Variants in PTPRM observed in about 807,000 individuals in gnomAD.
The protein encoded by PTPRM is protein tyrosine phosphatase receptor type M.
Under a neutral mutation model 186.7 loss-of-function variants are expected in PTPRM, and 47 were observed. That is an observed-to-expected ratio of 0.25 (90% CI 0.20 to 0.32). The LOEUF (loss-of-function observed/expected upper bound fraction) is 0.32. PTPRM is among the 10% of genes least tolerant of loss of function. PTPRM has a pLI of 1.00. For synonymous variants in PTPRM, 668 were observed against 674.9 expected, an observed-to-expected ratio of 0.99 and a Z score of 0.16; for missense variants, 1,494 against 1,865.0, an observed-to-expected ratio of 0.80 and a Z score of 3.66.
chr18:8,076,749 T>C (rs1237581849), intron 9 of PTPRM, among the ~76,000 whole-genome samples, 185 bp downstream of exon 9: 1 of 152,110 alleles, frequency 6.6e-6, no homozygotes, highest in Non-Finnish European at 1.5e-5. Context: ...TATATATAAT[T>C]TGAGGATTTA....
At chr18:7,779,843 T>G (rs973057102) in intron 2 of PTPRM, among the ~76,000 whole-genome samples, 1 of 152,248 alleles carries the variant, frequency 6.6e-6, no homozygotes, top group Non-Finnish European at 1.5e-5. Context: ...ATGCATTGTT[T>G]TAGATGCCTG....
chr18:8,370,217 TAGG>T (rs2095655872), intron 23 of PTPRM, among the ~76,000 whole-genome samples: 1 of 151,464 alleles, frequency 6.6e-6, no homozygotes, highest in Non-Finnish European at 1.5e-5. Flanking sequence ...TACAATTTGC[TAGG>T]AGAATTTCAA....
chr18:7,766,320 G>A (rs1418575493), intron 1 of PTPRM, among the ~76,000 whole-genome samples: 2 of 151,736 alleles, frequency 1.3e-5, no homozygotes, highest in Non-Finnish European at 2.9e-5. Context: ...ACTGTAACGG[G>A]TATTAGAATA....
At chr18:8,183,365 C>T (rs2093602194) in intron 14 of PTPRM, among the ~76,000 whole-genome samples, 2 of 152,040 alleles carry the variant, frequency 1.3e-5, no homozygotes, top group Non-Finnish European at 2.9e-5. Context: ...CATTGTTGCT[C>T]ATAATATAAT....
At chr18:8,229,775 G>C (rs1028868300) in intron 14 of PTPRM, among the ~76,000 whole-genome samples, 3 of 151,954 alleles carry the variant, frequency 2.0e-5, no homozygotes, top group Admixed American at 6.5e-5. Context: ...TATTATATTT[G>C]TATAATATGA....
chr18:7,898,947 A>G (rs1465521125), intron 3 of PTPRM, among the ~76,000 whole-genome samples: 1 of 152,206 alleles, frequency 6.6e-6, no homozygotes, highest in Non-Finnish European at 1.5e-5. Flanking sequence ...ATGTTTTTGT[A>G]ATGTTTTTGT....
chr18:7,904,724 G>A (rs1761468528), intron 3 of PTPRM, among the ~76,000 whole-genome samples: 1 of 152,142 alleles, frequency 6.6e-6, no homozygotes, highest in African/African-American at 2.4e-5. Context: ...CTGTAAATAT[G>A]ATGTGCACAG....
chr18:7,578,755 G>C (rs997892656), intron 1 of PTPRM, among the ~76,000 whole-genome samples: 1 of 151,998 alleles, frequency 6.6e-6, no homozygotes, highest in African/African-American at 2.4e-5. Flanking sequence ...TTACAGGCGT[G>C]AGCTGCTAAT....
chr18:7,966,018 G>A (rs957980676), intron 7 of PTPRM, among the ~76,000 whole-genome samples: 1 of 152,162 alleles, frequency 6.6e-6, no homozygotes, highest in African/African-American at 2.4e-5. Flanking sequence ...AACAGATTAT[G>A]AAAGATTGAT....
chr18:8,094,543 G>C (rs949729589), intron 11 of PTPRM, among the ~76,000 whole-genome samples: 5 of 151,038 alleles, frequency 3.3e-5, no homozygotes, highest in African/African-American at 1.2e-4. Context: ...GACCAGCCTG[G>C]GCAACAAATT....
At chr18:8,214,496 A>C (rs144393856) in intron 14 of PTPRM, among the ~76,000 whole-genome samples, 1 of 152,126 alleles carries the variant, frequency 6.6e-6, no homozygotes, top group African/African-American at 2.4e-5. Context: ...TTTAGGTTTC[A>C]TTAAGTGAGA....
At chr18:7,842,569 G>A (rs769575171) in intron 2 of PTPRM, among the ~76,000 whole-genome samples, 42 of 152,160 alleles carry the variant, frequency 2.8e-4, no homozygotes, top group Middle Eastern at 3.4e-3. Flanking sequence ...AGTAGACTTT[G>A]AGTAAAGCAA....
rs895646871 is a variant in PTPRM at position 8,233,617 on chromosome 18, G to A, written c.2301-10441G>A. On this transcript the variant is annotated intron_variant, in intron 14 of 32. Coordinates refer to ENST00000580170, the MANE Select transcript of PTPRM (RefSeq NM_001105244.2). ...TCTCCAAGTTTATGGCTTCTTTCTT[G>A]ACAGTGTCTTTCACAGAGCAGGAAT... is the stretch of plus-strand genomic sequence containing the variant. 6.6e-5 allele frequency among the ~76,000 whole-genome samples: 10 copies of A among 151,978 alleles called. No homozygotes were observed. The East Asian group carries it at 1.9e-3, about 29-fold the overall frequency.
chr18:8,173,113 C>T (rs745409372), intron 14 of PTPRM, among the ~76,000 whole-genome samples: 9 of 152,130 alleles, frequency 5.9e-5, no homozygotes, highest in Non-Finnish European at 7.4e-5. Flanking sequence ...AGCTAGGTGC[C>T]GAGTATTATA....
intron 2 of PTPRM, among the ~76,000 whole-genome samples, chr18:7,876,112 ATGAC>A (rs1240922665): frequency 7.8e-6 from 1 of 128,204 alleles, no homozygotes; most frequent in East Asian, 2.7e-4. Context: ...TAAGTGATGC[ATGAC>A]TGTGTGTGTG....
At chr18:8,239,407 G>A (rs1459856382) in intron 14 of PTPRM, among the ~76,000 whole-genome samples, 1 of 152,008 alleles carries the variant, frequency 6.6e-6, no homozygotes, top group Non-Finnish European at 1.5e-5. Flanking sequence ...CTTGCTGGAG[G>A]CCTGAGGGGA....
intron 2 of PTPRM, among the ~76,000 whole-genome samples, chr18:7,806,303 C>T (rs372998057): frequency 1.8e-4 from 28 of 152,196 alleles, no homozygotes; most frequent in African/African-American, 3.1e-4. Flanking sequence ...GGGACTTCCA[C>T]GAGGATAAAG....
intron 14 of PTPRM, among the ~76,000 whole-genome samples, chr18:8,152,712 C>CTTTTTTTTTTTTTTTT (rs35112154): frequency 5.3e-5 from 3 of 56,928 alleles, no homozygotes; most frequent in African/African-American, 1.5e-4. Flanking sequence ...TGCCTCACCT[C>CTTTTTTTTTTTTTTTT]TTTTTTTTTT....
intron 20 of PTPRM, among the ~76,000 whole-genome samples, chr18:8,301,427 A>G (rs1332305850): frequency 6.6e-6 from 1 of 152,174 alleles, no homozygotes; most frequent in Non-Finnish European, 1.5e-5. Context: ...AGCTTAAGGC[A>G]CACACCAAAT....
Sources: gnomAD v4.1 joint callset for allele counts (sites outside exome capture counted in the v4.1 genomes callset) on GRCh38, gnomAD v4.1.1 for gene constraint, MANE v1.5 for transcripts, NCBI Gene and HGNC (gene_info 2026-07-23, HGNC 2026-07-21) for gene names.